SYNE1: variants seen among roughly 807,000 people sequenced by gnomAD.
SYNE1 encodes nesprin-1.
SYNE1 carries 616 observed loss-of-function variants against 1,111.0 expected under a neutral mutation model. That is an observed-to-expected ratio of 0.55 (90% CI 0.52 to 0.59). SYNE1 has a LOEUF of 0.59. Ranked by LOEUF, SYNE1 falls within the 20% of genes least tolerant of loss-of-function variation. The pLI is 0.00. For missense variants in SYNE1, 10,006 were observed against 10,417.0 expected (o/e 0.96, Z 1.72); for synonymous variants, 3,855 against 3,825.8 (o/e 1.01, Z -0.28).
At chr6:152,211,127 T>C (rs2077451260) in intron 124 of SYNE1, among the ~76,000 whole-genome samples, 1 of 152,158 alleles carries the variant, frequency 6.6e-6, no homozygotes, top group Admixed American at 6.5e-5. Context: ...ATGCTCCTTT[T>C]ACAAAAAAAT....
At chr6:152,557,651 G>A (rs1267316200) in intron 3 of SYNE1, among the ~76,000 whole-genome samples, 1 of 152,092 alleles carries the variant, frequency 6.6e-6, no homozygotes, top group Non-Finnish European at 1.5e-5. Context: ...AGGAGAAAGT[G>A]GGATAATATA....
chr6:152,545,629 T>C (rs2099308396), intron 3 of SYNE1, among the ~76,000 whole-genome samples: 1 of 152,168 alleles, frequency 6.6e-6, no homozygotes, highest in African/African-American at 2.4e-5. Flanking sequence ...GCTGTTTACA[T>C]AATTATATAT....
chr6:152,343,546 C>T (rs1334756316), intron 74 of SYNE1, among the ~76,000 whole-genome samples: 1 of 138,432 alleles, frequency 7.2e-6, no homozygotes, highest in African/African-American at 2.7e-5. Flanking sequence ...TTTAATTTTT[C>T]AAGACAGAGT....
Position 152,381,260 on chromosome 6 carries a change from T to C in SYNE1, c.8755A>G (p.Met2919Val). 6.2e-7 allele frequency: 1 copy of C among 1,614,196 alleles called. No homozygotes were observed. Among genetic ancestry groups the C allele is most frequent in the Non-Finnish European group, 8.5e-7 (1 of 1,180,024 alleles). The change falls in exon 56 of 146, where the codon ATG becomes GTG. Residue 2919 changes from methionine (M) to valine (V), a missense_variant. Around this residue, in one of 7 missense-constraint regions of SYNE1, gnomAD observed 4,955 missense variants for 5,017.2 expected, o/e 0.99. Transcript: ENST00000367255. ...CGCAGGGCCTGCATCTCCGTGTGCA[T>C]GAGCTCACACCCACTGGCAGTTGTG... ...QNTTASGCEL[M>V]HTEMQALRAD...
intron 135 of SYNE1, among the ~76,000 whole-genome samples, chr6:152,150,811 T>C (rs566104123): frequency 1.3e-5 from 2 of 152,348 alleles, no homozygotes; most frequent in Non-Finnish European, 2.9e-5. Flanking sequence ...GAATGCAGAC[T>C]ATGAGGAATG....
Position 152,331,649 on chromosome 6 carries a change from A to C in SYNE1, c.13036T>G (p.Leu4346Val). ...TGAAATCTGGACTGCACCACATTTA[A>C]CTCCTCCAAGTTGGTGACTGACACT... Reference protein sequence around the residue: ...IQVSVTNLEELNVVQSRFQEL... With the variant: ...IQVSVTNLEEVNVVQSRFQEL... Residue 4346 changes from leucine to valine, a missense_variant, in exon 78 of 146, where the codon TTA becomes GTA. Physicochemically the swap from Leu to Val is conservative, Grantham distance 32. This residue lies in a region of SYNE1 where 4,955 missense variants were observed against 5,017.2 expected (regional missense o/e 0.99). Coordinates refer to ENST00000367255, the MANE Select transcript of SYNE1 (RefSeq NM_182961.4). The C allele has an allele frequency of 6.2e-7, 1 of 1,613,642 alleles. No homozygotes were observed. The highest frequency in any genetic ancestry group is 8.5e-7 in the Non-Finnish European group (1 of 1,179,932).
chr6:152,620,158 T>C (rs1237970890), intron 3 of SYNE1, among the ~76,000 whole-genome samples: 2 of 152,144 alleles, frequency 1.3e-5, no homozygotes, highest in Admixed American at 6.5e-5. Context: ...AGTTGATCAC[T>C]CCCTCCTTGA....
chr6:152,151,731 A>G, intron 134 of SYNE1, 41 bp from the exon 135 acceptor site: 1 of 1,599,856 alleles, frequency 6.3e-7, no homozygotes, highest in Non-Finnish European at 8.5e-7. Context: ...ATTTTTATTA[A>G]AAGTCCTTCT....
chr6:152,156,212 C>T, intron 131 of SYNE1, 115 bp from the exon 132 acceptor site: 1 of 1,092,752 alleles, frequency 9.2e-7, no homozygotes, highest in Non-Finnish European at 1.4e-6. Context: ...ATTTAATTTC[C>T]TTGAATGTAT....
chr6:152,488,558 C>T, intron 11 of SYNE1, 55 bp from the exon 12 acceptor site: 2 of 929,380 alleles, frequency 2.2e-6, no homozygotes, highest in Non-Finnish European at 3.5e-6. Context: ...TATTTAATTG[C>T]TGATTAATAC....
chr6:152,398,953 A>G (rs2097773506), intron 48 of SYNE1, among the ~76,000 whole-genome samples: 1 of 152,198 alleles, frequency 6.6e-6, no homozygotes, highest in South Asian at 2.1e-4. Context: ...TCTCAGAGGA[A>G]AGACTAAAAA....
chr6:152,365,037 G>A lies in SYNE1; in HGVS notation c.9973-18C>T. 6.2e-7 allele frequency: 1 copy of A among 1,613,840 alleles called. No homozygotes were observed. Among genetic ancestry groups the A allele is most frequent in the Non-Finnish European group, 8.5e-7 (1 of 1,179,804 alleles). On this transcript the variant is annotated intron_variant, in intron 62 of 145. Transcript: ENST00000367255. ...AATAGAGCCTGTGAAAACACATACA[G>A]AAGTCCTTTGTCATTTGTATGTTTA...
At chr6:152,593,970 T>C (rs998019447) in intron 3 of SYNE1, among the ~76,000 whole-genome samples, 9 of 152,128 alleles carry the variant, frequency 5.9e-5, no homozygotes, top group African/African-American at 2.2e-4. Context: ...ACCCACCTTC[T>C]CATTAACTTC....
At position 152,435,975 on chromosome 6, in the gene SYNE1, G is replaced by A; in HGVS notation, c.4276C>T (p.Gln1426Ter). 1 of 1,614,068 alleles carries A rather than the reference G, an allele frequency of 6.2e-7. No individual in the cohort carries two copies. Among genetic ancestry groups the A allele is most frequent in the South Asian group, 1.1e-5 (1 of 91,074 alleles). ...LQQQAKSIKE[Q>*]VKKLEDTLEE... ...AGCGTGTCTTCTAATTTTTTGACTTGTTCTTTGATTGACTTGGCCTGCTGT... is the reference window on the plus strand; with the variant it reads ...AGCGTGTCTTCTAATTTTTTGACTTATTCTTTGATTGACTTGGCCTGCTGT... Residue 1426 changes from glutamine (Q) to a stop codon, truncating the protein, a stop_gained, in exon 33 of 146, where the codon CAA becomes TAA. Coordinates refer to ENST00000367255, the MANE Select transcript of SYNE1 (RefSeq NM_182961.4). LOFTEE classifies it high-confidence loss of function.
intron 116 of SYNE1, 24 bp from the exon 117 acceptor site, chr6:152,224,688 T>C (rs2081042018): frequency 1.9e-6 from 3 of 1,607,572 alleles, no homozygotes; most frequent in African/African-American, 1.3e-5. Context: ...CAAATATGGC[T>C]TATAATTTCA....
chr6:152,497,146 C>T (rs919543525), intron 11 of SYNE1, among the ~76,000 whole-genome samples: 6 of 152,306 alleles, frequency 3.9e-5, no homozygotes, highest in South Asian at 4.2e-4. Context: ...GTTTGGTGGG[C>T]TCTTCACATG....
intron 51 of SYNE1, among the ~76,000 whole-genome samples, chr6:152,393,493 A>G (rs918408122): frequency 2.0e-5 from 3 of 151,756 alleles, no homozygotes; most frequent in South Asian, 2.1e-4. Context: ...TTCAGCAAAC[A>G]TTTTCTATTT....
intron 59 of SYNE1, 77 bp downstream of exon 59, chr6:152,372,960 C>T (rs887966608): frequency 5.2e-6 from 8 of 1,525,058 alleles, no homozygotes; most frequent in East Asian, 4.5e-5. Context: ...CTTTGATATA[C>T]AGAAACTGTG....
At chr6:152,355,192 AC>A (rs1296540502) in intron 66 of SYNE1, among the ~76,000 whole-genome samples, 1 of 152,202 alleles carries the variant, frequency 6.6e-6, no homozygotes, top group Non-Finnish European at 1.5e-5. Flanking sequence ...CAACATACAC[AC>A]ACACACACCC....
Sources: gnomAD v4.1 joint callset for allele counts (sites outside exome capture counted in the v4.1 genomes callset) on GRCh38, gnomAD v4.1.1 for gene constraint, gnomAD v4.1.1 regional missense constraint, MANE v1.5 for transcripts, NCBI Gene and HGNC (gene_info 2026-07-23, HGNC 2026-07-21) for gene names.